The following XRCC4 variants were observed in gnomAD, a reference collection of about 807,000 sequenced individuals.
XRCC4 encodes DNA repair protein XRCC4.
A neutral mutation model predicts 39.1 loss-of-function variants in XRCC4; 28 were observed. That is an observed-to-expected ratio of 0.72 (90% confidence interval 0.53 to 0.98). The LOEUF (loss-of-function observed/expected upper bound fraction) is 0.98. XRCC4 is among the 50% of genes least tolerant of loss of function. XRCC4 has a pLI of 0.00. For missense variants in XRCC4, 350 were observed against 376.4 expected (o/e 0.93, Z 0.58); for synonymous variants, 123 against 126.4 (o/e 0.97, Z 0.18).
At chr5:83,369,029 G>A in the XRCC4 span, among the ~76,000 whole-genome samples, 1 of 152,068 alleles carries the variant, frequency 6.6e-6, no homozygotes, top group Non-Finnish European at 1.5e-5. Flanking sequence ...TCAACTAGAG[G>A]TATTAGAAAC....
intron 4 of XRCC4, among the ~76,000 whole-genome samples, chr5:83,198,659 A>C (rs1580359566): frequency 6.6e-6 from 1 of 152,178 alleles, no homozygotes; most frequent in East Asian, 1.9e-4. Flanking sequence ...ACAATTATAA[A>C]GCTATTTTCA....
chr5:83,306,210 T>C (rs1755479044), intron 7 of XRCC4, among the ~76,000 whole-genome samples: 1 of 150,688 alleles, frequency 6.6e-6, no homozygotes, highest in Non-Finnish European at 1.5e-5. Flanking sequence ...TCAGTACTTT[T>C]ATATATATAT....
intron 6 of XRCC4, among the ~76,000 whole-genome samples, chr5:83,232,527 C>T (rs1752531279): frequency 6.6e-6 from 1 of 151,992 alleles, no homozygotes; most frequent in Non-Finnish European, 1.5e-5. Context: ...AGCTGTCTTG[C>T]AGTTTTCAGA....
intron 3 of XRCC4, among the ~76,000 whole-genome samples, chr5:83,183,776 A>T (rs374543994): frequency 1.3e-5 from 2 of 152,276 alleles, no homozygotes; most frequent in South Asian, 2.1e-4. Flanking sequence ...AAGAAAATTC[A>T]ATTAAACGCA....
intron 3 of XRCC4, among the ~76,000 whole-genome samples, chr5:83,139,051 C>T (rs1200945489): frequency 1.3e-5 from 2 of 152,116 alleles, no homozygotes; most frequent in African/African-American, 2.4e-5. Context: ...TTAACATTGA[C>T]ATAGTAATCT....
chr5:83,294,201 G>A (rs1195190854), intron 7 of XRCC4, among the ~76,000 whole-genome samples: 1 of 151,946 alleles, frequency 6.6e-6, no homozygotes, highest in African/African-American at 2.4e-5. Flanking sequence ...CTAACCAGTG[G>A]CATGTATTTG....
chr5:83,187,824 C>G (rs1400529363), intron 3 of XRCC4, among the ~76,000 whole-genome samples: 1 of 152,068 alleles, frequency 6.6e-6, no homozygotes, highest in Non-Finnish European at 1.5e-5. Flanking sequence ...TAAAATGTGA[C>G]TTGTGTGACT....
chr5:83,210,032 G>T (rs1289308946), intron 6 of XRCC4, among the ~76,000 whole-genome samples: 1 of 152,098 alleles, frequency 6.6e-6, no homozygotes, highest in East Asian at 1.9e-4. Flanking sequence ...TGTGATTATA[G>T]AATAGCCTTT....
intron 3 of XRCC4, among the ~76,000 whole-genome samples, chr5:83,141,287 A>G (rs1379868731): frequency 6.6e-6 from 1 of 152,162 alleles, no homozygotes; most frequent in African/African-American, 2.4e-5. Context: ...GTATTTTTGT[A>G]TTGTTGAAGG....
At chr5:83,082,899 T>C (rs1437776020) in intron 1 of XRCC4, among the ~76,000 whole-genome samples, 1 of 152,122 alleles carries the variant, frequency 6.6e-6, no homozygotes, top group Non-Finnish European at 1.5e-5. Flanking sequence ...GTATTCTCTC[T>C]CCCTTTGTTC....
At chr5:83,161,833 TAGC>T (rs1749226517) in intron 3 of XRCC4, among the ~76,000 whole-genome samples, 1 of 152,224 alleles carries the variant, frequency 6.6e-6, no homozygotes, top group Admixed American at 6.5e-5. Flanking sequence ...GATTTGCTGA[TAGC>T]AGCAAGTTTT....
intron 7 of XRCC4, among the ~76,000 whole-genome samples, chr5:83,348,773 A>G (rs1410484757): frequency 6.6e-6 from 1 of 152,172 alleles, no homozygotes; most frequent in Admixed American, 6.5e-5. Context: ...AGGCTGCAAA[A>G]TTTTCAAACT....
intron 6 of XRCC4, 132 bp from the exon 7 acceptor site, chr5:83,258,398 C>CCTTTATGCAGATTTATGCCTTT (rs1753628773): frequency 9.1e-7 from 1 of 1,097,806 alleles, no homozygotes; most frequent in Admixed American, 2.9e-5. Flanking sequence ...AACAAATCTG[C>CCTTTATGCAGATTTATGCCTTT]ATAAAGATTT....
intron 5 of XRCC4, among the ~76,000 whole-genome samples, chr5:83,203,931 A>T (rs879428700): frequency 1.3e-5 from 2 of 152,110 alleles, no homozygotes; most frequent in Admixed American, 6.6e-5. Flanking sequence ...AAATTAAAAA[A>T]CTGACATGAG....
Position 83,195,944 on chromosome 5 carries a change from C to G in XRCC4, c.482+8C>G. The G allele has an allele frequency of 1.3e-6, 2 of 1,575,504 alleles. No homozygotes were observed. Among genetic ancestry groups the G allele is most frequent in the Admixed American group, 1.8e-5 (1 of 54,768 alleles). ...GAATGATGTTCAAGGACGGTGTGTA[C>G]ACAGTTTGCTTGTGGTATAAAAATA... is the stretch of plus-strand genomic sequence containing the variant. On this transcript the variant is annotated splice_region_variant and intron_variant, in intron 4 of 7. Coordinates refer to ENST00000396027, the MANE Select transcript of XRCC4 (RefSeq NM_003401.5).
intron 3 of XRCC4, among the ~76,000 whole-genome samples, chr5:83,171,913 A>G (rs1749744837): frequency 6.6e-6 from 1 of 152,146 alleles, no homozygotes; most frequent in South Asian, 2.1e-4. Flanking sequence ...AATAGTACTA[A>G]TTTTACTTTC....
intron 7 of XRCC4, among the ~76,000 whole-genome samples, chr5:83,323,405 G>T (rs768694435): frequency 5.9e-5 from 9 of 151,944 alleles, no homozygotes; most frequent in Non-Finnish European, 1.2e-4. Context: ...TTCTATCATT[G>T]CTTGTTGCTG....
intron 7 of XRCC4, among the ~76,000 whole-genome samples, chr5:83,344,261 G>A (rs1756852055): frequency 1.3e-5 from 2 of 151,392 alleles, no homozygotes; most frequent in Non-Finnish European, 2.9e-5. Flanking sequence ...TTAAGAGATG[G>A]GGTCTCACTC....
intron 7 of XRCC4, among the ~76,000 whole-genome samples, chr5:83,337,795 C>A (rs925701512): frequency 6.6e-5 from 10 of 152,166 alleles, no homozygotes; most frequent in Admixed American, 3.9e-4. Flanking sequence ...CAAAGACTTA[C>A]TTGATTTAGT....
Sources: allele counts gnomAD v4.1 joint callset (sites outside exome capture counted in the v4.1 genomes callset), GRCh38; gene constraint gnomAD v4.1.1; transcripts MANE v1.5; gene names NCBI Gene and HGNC (gene_info 2026-07-23, HGNC 2026-07-21).